CHMP5: variants seen among roughly 807,000 people sequenced by gnomAD.
CHMP5 encodes charged multivesicular body protein 5, also known as SNF7 domain containing 2.
In CHMP5, 17 loss-of-function variants were observed where a neutral mutation model predicts 33.0. The observed-to-expected ratio is 0.52, with a 90% confidence interval of 0.35 to 0.77. CHMP5 has a LOEUF of 0.77. CHMP5 is among the 30% of genes least tolerant of loss of function. CHMP5 has a pLI of 0.01. For synonymous variants in CHMP5, 76 were observed against 90.2 expected (o/e 0.84, Z 0.89); for missense variants, 216 against 261.5 (o/e 0.83, Z 1.20).
chr9:33,267,959 C>T, intron 3 of CHMP5, 60 bp downstream of exon 3: 1 of 1,149,014 alleles, frequency 8.7e-7, no homozygotes, highest in Non-Finnish European at 1.3e-6. Context: ...AATGGTCTTC[C>T]ATTCCTTCAG....
At chr9:33,267,067 T>A (rs887951587) in intron 2 of CHMP5, among the ~76,000 whole-genome samples, 2 of 152,156 alleles carry the variant, frequency 1.3e-5, no homozygotes, top group African/African-American at 2.4e-5. Flanking sequence ...TTAAATGAGG[T>A]AATTGATGTG....
At chr9:33,277,486 A>G (rs549735689) in intron 6 of CHMP5, among the ~76,000 whole-genome samples, 1 of 152,342 alleles carries the variant, frequency 6.6e-6, no homozygotes, top group Non-Finnish European at 1.5e-5. Flanking sequence ...AGGGGATAGC[A>G]TGAAAAAATG....
At chr9:33,271,271 G>A in intron 5 of CHMP5, 48 bp downstream of exon 5, 5 of 1,441,330 alleles carry the variant, frequency 3.5e-6, no homozygotes, top group Non-Finnish European at 4.9e-6. Flanking sequence ...GTTTCTGAGA[G>A]AATCCAAACG....
chr9:33,276,421 AAT>A, intron 5 of CHMP5, 33 bp from the exon 6 acceptor site: 1 of 1,203,870 alleles, frequency 8.3e-7, no homozygotes, highest in Non-Finnish European at 1.2e-6. Flanking sequence ...GAAAATGGTA[AAT>A]GAGAGAAAAT....
At chr9:33,271,303 G>A (rs1261363950) in intron 5 of CHMP5, 80 bp downstream of exon 5, 1 of 1,122,190 alleles carries the variant, frequency 8.9e-7, no homozygotes. Flanking sequence ...GATAGGAAGA[G>A]CACAGGAGAG....
intron 1 of CHMP5, 35 bp from the exon 2 acceptor site, chr9:33,265,975 A>G (rs761242894): frequency 3.7e-6 from 5 of 1,355,304 alleles, no homozygotes; most frequent in South Asian, 2.3e-5. Flanking sequence ...AGTGTATTGC[A>G]GTAACTACCA....
chr9:33,272,003 G>T (rs1282459255), intron 5 of CHMP5, among the ~76,000 whole-genome samples: 1 of 152,160 alleles, frequency 6.6e-6, no homozygotes, highest in Non-Finnish European at 1.5e-5. Context: ...GGTAGACTTG[G>T]TTCCCTTTTC....
intron 5 of CHMP5, among the ~76,000 whole-genome samples, chr9:33,274,974 A>C (rs918902500): frequency 6.6e-6 from 1 of 152,184 alleles, no homozygotes; most frequent in Non-Finnish European, 1.5e-5. Flanking sequence ...TAGAGACATT[A>C]CTTCTCATTG....
Position 33,267,898 on chromosome 9 carries a change from A to G in CHMP5, c.220A>G (p.Met74Val). Residue 74 changes from methionine (M) to valine (V), a missense_variant and splice_region_variant, in exon 3 of 8, where the codon ATG (methionine) becomes GTG (valine). Coordinates refer to ENST00000223500, the MANE Select transcript of CHMP5 (RefSeq NM_016410.6). ...CTTGCGAGTTTTAAAGCAAAAGAGG[A>G]TGTAAGTTACACACACAATTTCTAC... is the stretch of plus-strand genomic sequence containing the variant. The part of the protein sequence containing the change: ...KALRVLKQKR[M>V]YEQQRDNLAQ... 1 of 1,605,868 alleles carries G rather than the reference A, an allele frequency of 6.2e-7. No homozygotes were observed. The highest frequency in any genetic ancestry group is 8.5e-7 in the Non-Finnish European group (1 of 1,172,644).
chr9:33,267,827 T>C (rs1179443505), intron 2 of CHMP5, 26 bp from the exon 3 acceptor site: 3 of 1,569,284 alleles, frequency 1.9e-6, no homozygotes, highest in Non-Finnish European at 2.6e-6. Flanking sequence ...CCACCTTATT[T>C]TTATTAAATC....
intron 3 of CHMP5, among the ~76,000 whole-genome samples, chr9:33,270,259 CA>C (rs1820777656): frequency 6.6e-6 from 1 of 152,106 alleles, no homozygotes; most frequent in Non-Finnish European, 1.5e-5. Flanking sequence ...TAGGAGCAAG[CA>C]GTAGGCTATA....
At position 33,269,930 on chromosome 9, in the gene CHMP5, T is replaced by A. The variant is rs1820773482; in HGVS notation, c.222-693T>A. On this transcript the variant is annotated intron_variant, in intron 3 of 7. Coordinates refer to ENST00000223500, the MANE Select transcript of CHMP5 (RefSeq NM_016410.6). ...TGGAGGCTGCAGTGAGCCGAGATCG[T>A]ACCATTGCACTCCAGCCTGGGCAAC... Among the ~76,000 whole-genome samples the A allele has an allele frequency of 2.0e-5, 3 of 151,648 alleles. No homozygotes were observed. The South Asian group carries it at 6.3e-4, about 32-fold the overall frequency.
intron 5 of CHMP5, among the ~76,000 whole-genome samples, chr9:33,271,964 T>C (rs989165950): frequency 1.3e-5 from 2 of 152,206 alleles, no homozygotes; most frequent in Admixed American, 1.3e-4. Flanking sequence ...GTAAAGTGTA[T>C]GTAAAATGTT....
At chr9:33,270,745 T>C (rs369863339) in intron 4 of CHMP5, 29 bp downstream of exon 4, 2 of 1,521,170 alleles carry the variant, frequency 1.3e-6, no homozygotes, top group African/African-American at 2.7e-5. Flanking sequence ...TTCCTGTTAT[T>C]TCATGTATTT....
chr9:33,277,930 T>C, intron 6 of CHMP5, 183 bp from the exon 7 acceptor site: 1 of 500,296 alleles, frequency 2.0e-6, no homozygotes, highest in Non-Finnish European at 3.6e-6. Context: ...TCTTGGCCAC[T>C]TCCAACTCAT....
intron 4 of CHMP5, 31 bp downstream of exon 4, chr9:33,270,747 C>G (rs1564086178): frequency 6.6e-7 from 1 of 1,520,786 alleles, no homozygotes; most frequent in East Asian, 2.3e-5. Flanking sequence ...CCTGTTATTT[C>G]ATGTATTTAT....
Position 33,267,896 on chromosome 9 carries a change from G to T in CHMP5, c.218G>T (p.Arg73Met). 1.2e-6 allele frequency: 2 copies of T among 1,606,638 alleles called. No individual in the cohort carries two copies. The highest frequency in any genetic ancestry group is 1.7e-6 in the Non-Finnish European group (2 of 1,173,404). ...QKALRVLKQK[R>M]MYEQQRDNLA... ...GCCTTGCGAGTTTTAAAGCAAAAGA[G>T]GATGTAAGTTACACACACAATTTCT... is the stretch of plus-strand genomic sequence containing the variant. Residue 73 changes from arginine (R) to methionine (M), a missense_variant, in exon 3 of 8, where the codon AGG becomes ATG. By Grantham distance (91) the Arg-to-Met change is moderately conservative (BLOSUM62 -1). Coordinates refer to ENST00000223500, the MANE Select transcript of CHMP5 (RefSeq NM_016410.6).
intron 2 of CHMP5, among the ~76,000 whole-genome samples, chr9:33,266,758 G>A (rs773654616): frequency 6.6e-6 from 1 of 152,176 alleles, no homozygotes; most frequent in Non-Finnish European, 1.5e-5. Flanking sequence ...GGTCAGGTTA[G>A]GTTGGTATAT....
chr9:33,279,940 G>A (rs2118056620), intron 7 of CHMP5, among the ~76,000 whole-genome samples: 1 of 151,518 alleles, frequency 6.6e-6, no homozygotes, highest in East Asian at 1.9e-4. Flanking sequence ...AGATTCCTGA[G>A]TTATATATGC....
Sources: gnomAD v4.1 joint callset for allele counts (sites outside exome capture counted in the v4.1 genomes callset) on GRCh38, gnomAD v4.1.1 for gene constraint, MANE v1.5 for transcripts, NCBI Gene and HGNC (gene_info 2026-07-23, HGNC 2026-07-21) for gene names.